Variants in LRRC72 observed in about 807,000 individuals in gnomAD.
LRRC72 encodes the protein leucine rich repeat containing 72, also known as leucine-rich repeat-containing protein 72.
LRRC72 carries 41 observed loss-of-function variants against 35.8 expected under a neutral mutation model. The ratio of observed to expected loss-of-function variants is 1.15; its 90% CI spans 0.89 to 1.49. LRRC72 has a LOEUF of 1.49. Ranked by LOEUF, LRRC72 falls within the 40% of genes most tolerant of loss-of-function variation. The pLI, the probability that LRRC72 is intolerant of heterozygous loss-of-function variation, is 0.00. For missense variants in LRRC72, 389 were observed against 330.7 expected (o/e 1.18, Z -1.37); for synonymous variants, 118 against 119.2 (o/e 0.99, Z 0.07).
intron 3 of LRRC72, among the ~76,000 whole-genome samples, chr7:16,538,776 T>C (rs1271299151): frequency 1.3e-5 from 2 of 152,152 alleles, no homozygotes; most frequent in Non-Finnish European, 2.9e-5. Flanking sequence ...TATCTGATGG[T>C]TTTTAAAGTG....
chr7:16,566,331 T>G lies in LRRC72; in HGVS notation c.446T>G (p.Leu149Trp). The change falls in exon 6 of 9, where the codon TTG becomes TGG. Residue 149 changes from leucine to tryptophan, a missense_variant. Physicochemically the swap from Leu to Trp is moderately conservative, Grantham distance 61 (BLOSUM62 -2). Transcript: ENST00000401542. ...LKILSLYQNP[L>W]CQYNLYRLYI... ...TTTGCAGGTCTATACCAAAATCCTT[T>G]GTGCCAATATAACCTGTATCGTTTA... 6.5e-7 allele frequency: 1 copy of G among 1,539,620 alleles called. No homozygotes were observed. The highest frequency in any genetic ancestry group is 2.5e-5 in the East Asian group (1 of 40,644).
intron 7 of LRRC72, among the ~76,000 whole-genome samples, chr7:16,569,735 A>G (rs1782910264): frequency 6.7e-6 from 1 of 149,448 alleles, no homozygotes; most frequent in African/African-American, 2.5e-5. Flanking sequence ...GAAGCTTTTT[A>G]TTTGGGAAAA....
intron 7 of LRRC72, among the ~76,000 whole-genome samples, chr7:16,574,345 C>T (rs913155037): frequency 1.3e-5 from 2 of 152,204 alleles, no homozygotes; most frequent in African/African-American, 2.4e-5. Flanking sequence ...AAGACACATG[C>T]ACACATATGT....
At chr7:16,538,956 T>C (rs188322196) in intron 3 of LRRC72, among the ~76,000 whole-genome samples, 1 of 152,354 alleles carries the variant, frequency 6.6e-6, no homozygotes, top group East Asian at 1.9e-4. Context: ...GGGAGTTCTT[T>C]ATAGCAGTGT....
chr7:16,559,088 C>A, intron 5 of LRRC72, 89 bp downstream of exon 5: 1 of 748,438 alleles, frequency 1.3e-6, no homozygotes, highest in Non-Finnish European at 2.1e-6. Context: ...ATTAGAGAGG[C>A]AATGTTTATA....
intron 3 of LRRC72, among the ~76,000 whole-genome samples, chr7:16,541,047 G>C (rs560549576): frequency 6.6e-6 from 1 of 152,268 alleles, no homozygotes; most frequent in African/African-American, 2.4e-5. Context: ...TCTCTTAAAG[G>C]CTAGGGTTAA....
At chr7:16,565,242 T>A (rs369665764) in intron 5 of LRRC72, among the ~76,000 whole-genome samples, 2 of 152,260 alleles carry the variant, frequency 1.3e-5, no homozygotes, top group East Asian at 3.9e-4. Context: ...AGACCAGCCT[T>A]GCCAACATGG....
chr7:16,546,916 C>T (rs148264808), intron 3 of LRRC72, among the ~76,000 whole-genome samples: 1 of 152,262 alleles, frequency 6.6e-6, no homozygotes, highest in African/African-American at 2.4e-5. Flanking sequence ...GGTGGCAGAC[C>T]GTCTGGAGCA....
At chr7:16,527,108 T>C in intron 1 of LRRC72, 66 bp downstream of exon 1, 1 of 1,306,768 alleles carries the variant, frequency 7.7e-7, no homozygotes, top group Non-Finnish European at 1.1e-6. Flanking sequence ...CCCCACCTCC[T>C]GCCTGAGGAC....
intron 5 of LRRC72, among the ~76,000 whole-genome samples, chr7:16,560,675 A>C (rs1404049663): frequency 6.6e-6 from 1 of 151,842 alleles, no homozygotes; most frequent in Non-Finnish European, 1.5e-5. Context: ...TCAAACATTA[A>C]GATAACTCTG....
At chr7:16,560,163 T>C (rs1160998115) in intron 5 of LRRC72, among the ~76,000 whole-genome samples, 1 of 152,242 alleles carries the variant, frequency 6.6e-6, no homozygotes, top group Non-Finnish European at 1.5e-5. Flanking sequence ...CTTTAGAGTT[T>C]AGAGACCTCT....
At chr7:16,530,398 T>A (rs548182782) in intron 1 of LRRC72, 1 of 152,332 alleles carries the variant, frequency 6.6e-6, no homozygotes, top group East Asian at 1.9e-4. Flanking sequence ...GTGGATTGGA[T>A]AATATCCACC....
chr7:16,553,480 G>A (rs1358537113), intron 3 of LRRC72, among the ~76,000 whole-genome samples: 1 of 152,202 alleles, frequency 6.6e-6, no homozygotes, highest in African/African-American at 2.4e-5. Flanking sequence ...TATAGTGTCT[G>A]TGAAAACATC....
At chr7:16,539,340 G>A (rs1327008053) in intron 3 of LRRC72, among the ~76,000 whole-genome samples, 2 of 152,172 alleles carry the variant, frequency 1.3e-5, no homozygotes, top group Non-Finnish European at 2.9e-5. Context: ...ATTATTTAGG[G>A]TATCTGGTGG....
chr7:16,527,919 G>T (rs1004837165), intron 1 of LRRC72, among the ~76,000 whole-genome samples: 1 of 152,000 alleles, frequency 6.6e-6, no homozygotes, highest in Admixed American at 6.6e-5. Flanking sequence ...AGATCCTCAG[G>T]CATCGGGTGG....
chr7:16,554,334 TA>T (rs1409200979), intron 3 of LRRC72, among the ~76,000 whole-genome samples: 3 of 152,024 alleles, frequency 2.0e-5, no homozygotes, highest in Non-Finnish European at 2.9e-5. Context: ...CATCTCAAAA[TA>T]AATAAATAAA....
rs770129578 is a variant in LRRC72 at position 16,581,365 on chromosome 7, C to G, written c.740C>G (p.Ser247Cys). 2 of 1,545,762 alleles carry G rather than the reference C, an allele frequency of 1.3e-6. No homozygotes were observed. The highest frequency in any genetic ancestry group is 2.4e-5 in the South Asian group (2 of 83,000). The change falls in exon 9 of 9, where the codon TCC (serine) becomes TGC (cysteine). Residue 247 changes from serine to cysteine, a missense_variant. Ser to Cys is a moderately radical substitution (Grantham distance 112, BLOSUM62 -1). Transcript: ENST00000401542. ...DDPEDAVFVR[S>C]MKRSVMTLTS... ...CCAGAAGATGCTGTTTTTGTGAGGT[C>G]CATGAAGAGATCAGTGATGACTTTG...
At chr7:16,551,235 T>G (rs1782543089) in intron 3 of LRRC72, among the ~76,000 whole-genome samples, 1 of 152,170 alleles carries the variant, frequency 6.6e-6, no homozygotes, top group Non-Finnish European at 1.5e-5. Flanking sequence ...TACGAGCCAA[T>G]AATAATAAAC....
chr7:16,564,462 TTC>T (rs754856110), intron 5 of LRRC72, among the ~76,000 whole-genome samples: 2 of 152,336 alleles, frequency 1.3e-5, no homozygotes, highest in Non-Finnish European at 2.9e-5. Context: ...TTTAAAATCC[TTC>T]TCTTTCAAGA....
Sources: gnomAD v4.1 joint callset for allele counts (sites outside exome capture counted in the v4.1 genomes callset) on GRCh38, gnomAD v4.1.1 for gene constraint, MANE v1.5 for transcripts, NCBI Gene and HGNC (gene_info 2026-07-23, HGNC 2026-07-21) for gene names.